Variants in HACE1 observed in about 807,000 individuals in gnomAD.
HACE1 encodes the protein E3 ubiquitin-protein ligase HACE1.
HACE1 carries 73 observed loss-of-function variants against 118.4 expected under a neutral mutation model. That is an observed-to-expected ratio of 0.62 (90% CI 0.51 to 0.75). HACE1 has a LOEUF of 0.75. Ranked by LOEUF, HACE1 falls within the 30% of genes least tolerant of loss-of-function variation. HACE1 has a pLI of 0.00. For synonymous variants in HACE1, 368 were observed against 374.8 expected, an observed-to-expected ratio of 0.98 and a Z score of 0.21; for missense variants, 749 against 1,102.2, an observed-to-expected ratio of 0.68 and a Z score of 4.54.
At chr6:104,853,592 G>A (rs1776445912) in intron 1 of HACE1, among the ~76,000 whole-genome samples, 1 of 152,064 alleles carries the variant, frequency 6.6e-6, no homozygotes, top group South Asian at 2.1e-4. Context: ...AGTTTAAGGA[G>A]AAACAAGATA....
chr6:104,757,045 A>G (rs1778784031), intron 19 of HACE1, among the ~76,000 whole-genome samples: 1 of 152,132 alleles, frequency 6.6e-6, no homozygotes, highest in Non-Finnish European at 1.5e-5. Context: ...CTCACAGTAT[A>G]AACAAAGAGG....
intron 22 of HACE1, among the ~76,000 whole-genome samples, chr6:104,738,836 C>T (rs1031579002): frequency 3.3e-5 from 5 of 149,494 alleles, no homozygotes; most frequent in East Asian, 3.9e-4. Flanking sequence ...AGATACTCCT[C>T]GAGAAGAGCA....
At chr6:104,824,917 A>AAG (rs1773150118) in intron 6 of HACE1, 1 of 151,756 alleles carries the variant, frequency 6.6e-6, no homozygotes, top group Admixed American at 6.6e-5. Flanking sequence ...ACTAAAAAAA[A>AAG]AAAAAAATAC....
At chr6:104,781,635 C>T (rs187878234) in intron 14 of HACE1, among the ~76,000 whole-genome samples, 13 of 152,312 alleles carry the variant, frequency 8.5e-5, no homozygotes, top group South Asian at 6.2e-4. Context: ...TGCAACCCCA[C>T]TCCCTTGGTA....
At chr6:104,796,584 T>C in intron 9 of HACE1, 71 bp downstream of exon 9, 1 of 815,552 alleles carries the variant, frequency 1.2e-6, no homozygotes, top group Non-Finnish European at 2.1e-6. Context: ...TAAGCACATT[T>C]GTAAAATGTC....
At chr6:104,794,875 C>G (rs1783443451) in intron 10 of HACE1, among the ~76,000 whole-genome samples, 1 of 150,250 alleles carries the variant, frequency 6.7e-6, no homozygotes, top group African/African-American at 2.5e-5. Flanking sequence ...GCCTGGGTAA[C>G]AGAGTGAGAG....
intron 6 of HACE1, among the ~76,000 whole-genome samples, chr6:104,832,381 T>TG (rs1554259325): frequency 1.3e-5 from 2 of 150,846 alleles, no homozygotes; most frequent in Admixed American, 6.6e-5. Flanking sequence ...TTTCCTGTTT[T>TG]TTGTTGTTGT....
At chr6:104,822,203 T>TAA (rs58454908) in intron 6 of HACE1, among the ~76,000 whole-genome samples, 2,955 of 102,900 alleles carry the variant, frequency 0.029, 176 homozygotes, top group African/African-American at 0.11. Flanking sequence ...CCGTCTCTAC[T>TAA]AAAAAAAAAA....
intron 6 of HACE1, among the ~76,000 whole-genome samples, chr6:104,819,179 A>G (rs1772425164): frequency 6.6e-6 from 1 of 152,252 alleles, no homozygotes; most frequent in African/African-American, 2.4e-5. Flanking sequence ...GCCAATTAAC[A>G]ACCTCAACAA....
intron 7 of HACE1, among the ~76,000 whole-genome samples, chr6:104,798,703 A>T (rs1769968171): frequency 6.6e-6 from 1 of 152,200 alleles, no homozygotes; most frequent in Non-Finnish European, 1.5e-5. Flanking sequence ...AACAGTGGTT[A>T]ATGTTTCATT....
At chr6:104,780,283 C>T (rs1033978128) in intron 14 of HACE1, 1 of 288,760 alleles carries the variant, frequency 3.5e-6, no homozygotes, top group Non-Finnish European at 6.9e-6. Flanking sequence ...TCAGATCAAA[C>T]ACACACACAC....
intron 11 of HACE1, 62 bp downstream of exon 11, chr6:104,791,442 T>G (rs1353949721): frequency 9.2e-6 from 13 of 1,414,000 alleles, no homozygotes; most frequent in Non-Finnish European, 1.0e-6. Flanking sequence ...AATGAATGCA[T>G]GCTTTGTCAA....
chr6:104,769,359 C>T (rs1490206026), intron 19 of HACE1, among the ~76,000 whole-genome samples: 1 of 152,096 alleles, frequency 6.6e-6, no homozygotes, highest in Non-Finnish European at 1.5e-5. Flanking sequence ...AAAGGAGTGA[C>T]AAACCTCACC....
intron 7 of HACE1, among the ~76,000 whole-genome samples, chr6:104,806,374 A>AT (rs1770997545): frequency 6.6e-6 from 1 of 152,196 alleles, no homozygotes; most frequent in African/African-American, 2.4e-5. Context: ...AGATGAGAGA[A>AT]TTGCTTGACC....
At position 104,791,547 on chromosome 6, in the gene HACE1, A is replaced by G. The variant is rs768314021; in HGVS notation, c.1031T>C (p.Met344Thr). Residue 344 changes from methionine (M) to threonine (T), a missense_variant, in exon 11 of 24, where the codon ATG (methionine) becomes ACG (threonine). Transcript: ENST00000262903. ...GPSSPSNGID[M>T]GYNGNKTPRS... ...TGGAGTTTTATTCCCATTGTAGCCC[A>G]TATCAATTCCATTACTGGGGGAGGA... 1.2e-6 allele frequency: 2 copies of G among 1,613,208 alleles called. No homozygotes were observed. The highest frequency in any genetic ancestry group is 1.7e-5 in the Admixed American group (1 of 60,014).
At chr6:104,743,544 TTC>T (rs1346064859) in intron 22 of HACE1, among the ~76,000 whole-genome samples, 4 of 151,958 alleles carry the variant, frequency 2.6e-5, no homozygotes, top group Non-Finnish European at 5.9e-5. Flanking sequence ...GAAGATAAAA[TTC>T]TGTTATCCAA....
At chr6:104,801,315 T>A (rs1199280627) in intron 7 of HACE1, among the ~76,000 whole-genome samples, 1 of 152,144 alleles carries the variant, frequency 6.6e-6, no homozygotes, top group Non-Finnish European at 1.5e-5. Context: ...CCAGGAGGAC[T>A]TCCCCAACCT....
chr6:104,756,905 C>T (rs116197167), intron 19 of HACE1, among the ~76,000 whole-genome samples: 20 of 152,364 alleles, frequency 1.3e-4, no homozygotes, highest in African/African-American at 4.6e-4. Flanking sequence ...CTGTGCCTGG[C>T]TCAGAGGGTC....
chr6:104,838,364 A>T (rs968557156), intron 5 of HACE1, among the ~76,000 whole-genome samples: 8 of 152,204 alleles, frequency 5.3e-5, no homozygotes, highest in Admixed American at 1.3e-4. Context: ...ACAGACACAC[A>T]GACCAATGGG....
Sources: gnomAD v4.1 joint callset for allele counts (sites outside exome capture counted in the v4.1 genomes callset) on GRCh38, gnomAD v4.1.1 for gene constraint, MANE v1.5 for transcripts, NCBI Gene and HGNC (gene_info 2026-07-23, HGNC 2026-07-21) for gene names.